Variants in ZNF469 observed in about 807,000 individuals in gnomAD.
ZNF469 encodes zinc finger protein 469.
Under a neutral mutation model 1.0 loss-of-function variants are expected in ZNF469, and 1 was observed. That is an observed-to-expected ratio of 1.00 (90% confidence interval 0.35 to 4.73). The LOEUF is 4.73. Among genes scored for constraint, ZNF469 ranks in the 30% most tolerant of loss-of-function variants. The probability of loss-of-function intolerance (pLI) is 0.16; values close to 1 mark genes in which losing one functional copy is unlikely to be tolerated. For synonymous variants in ZNF469, 2,703 were observed against 2,363.4 expected (o/e 1.14, Z -4.17); for missense variants, 6,100 against 5,356.3 (o/e 1.14, Z -4.33).
At chr16:88,311,808 A>G in the ZNF469 span, among the ~76,000 whole-genome samples, 2 of 152,186 alleles carry the variant, frequency 1.3e-5, no homozygotes, top group African/African-American at 4.8e-5. Flanking sequence ...GGACATATTG[A>G]TTTGCATTTT....
chr16:88,371,047 T>G, the ZNF469 span, among the ~76,000 whole-genome samples: 56 of 152,352 alleles, frequency 3.7e-4, 1 homozygote, highest in Middle Eastern at 0.014. Flanking sequence ...GCTGGCTGAA[T>G]GCAGATATCA....
chr16:88,402,204 G>T (rs73253603), intron 1 of ZNF469, among the ~76,000 whole-genome samples: 3,766 of 152,126 alleles, frequency 0.025, 159 homozygotes, highest in African/African-American at 0.086. Flanking sequence ...ATGGAAGGGG[G>T]AATGAGTGGG....
chr16:88,107,212 T>G, the ZNF469 span, among the ~76,000 whole-genome samples: 3 of 152,216 alleles, frequency 2.0e-5, no homozygotes, highest in Non-Finnish European at 2.9e-5. Flanking sequence ...TTAGCCCATT[T>G]TCACACTGCT....
At chr16:88,273,897 C>G in the ZNF469 span, among the ~76,000 whole-genome samples, 1 of 151,880 alleles carries the variant, frequency 6.6e-6, no homozygotes, top group African/African-American at 2.4e-5. Flanking sequence ...CTCCGCCTCC[C>G]GGGTTCACGC....
the ZNF469 span, among the ~76,000 whole-genome samples, chr16:88,159,512 C>T: frequency 6.6e-6 from 1 of 152,070 alleles, no homozygotes; most frequent in Non-Finnish European, 1.5e-5. Context: ...AGGGAAGGCC[C>T]GGACGGATGA....
intron 1 of ZNF469, among the ~76,000 whole-genome samples, chr16:88,397,359 C>T (rs1354010128): frequency 6.6e-6 from 1 of 152,220 alleles, no homozygotes; most frequent in Admixed American, 6.5e-5. Flanking sequence ...GGGCTTGTGG[C>T]CTGGGAGTGC....
chr16:88,183,585 A>G, the ZNF469 span, among the ~76,000 whole-genome samples: 1 of 152,322 alleles, frequency 6.6e-6, no homozygotes, highest in Admixed American at 6.5e-5. Flanking sequence ...GCAAAGCTGT[A>G]GGACCGAGGA....
At chr16:88,137,229 C>T in the ZNF469 span, among the ~76,000 whole-genome samples, 1 of 152,138 alleles carries the variant, frequency 6.6e-6, no homozygotes, top group African/African-American at 2.4e-5. Flanking sequence ...GCATGTATAC[C>T]ACCACACATG....
upstream of ZNF469, among the ~76,000 whole-genome samples, chr16:88,380,609 ACG>A (rs2092519786): frequency 6.8e-6 from 1 of 146,190 alleles, no homozygotes; most frequent in Non-Finnish European, 1.5e-5. Flanking sequence ...GCACTCACAC[ACG>A]CACACACCCA....
At chr16:88,141,507 C>T in the ZNF469 span, among the ~76,000 whole-genome samples, 2 of 141,664 alleles carry the variant, frequency 1.4e-5, 1 homozygote, top group Admixed American at 1.4e-4. Context: ...GAGGCACCCC[C>T]GTCCTGGTCC....
the ZNF469 span, among the ~76,000 whole-genome samples, chr16:88,274,045 C>T: frequency 3.0e-4 from 46 of 152,204 alleles, no homozygotes; most frequent in East Asian, 7.2e-3. Context: ...CCTCGTGATC[C>T]GCCTGCCTCG....
At chr16:88,411,528 G>T (rs1216221769) in intron 1 of ZNF469, among the ~76,000 whole-genome samples, 3 of 84,576 alleles carry the variant, frequency 3.5e-5, no homozygotes, top group Admixed American at 2.6e-4. Context: ...GTGCGAGCGG[G>T]CAGGGGTGGG....
intron 1 of ZNF469, among the ~76,000 whole-genome samples, chr16:88,400,798 G>T (rs1904831922): frequency 6.6e-6 from 1 of 152,070 alleles, no homozygotes. Flanking sequence ...AAAATGGGCA[G>T]AATCTCTTCA....
the ZNF469 span, among the ~76,000 whole-genome samples, chr16:88,350,278 C>G: frequency 6.6e-6 from 1 of 152,278 alleles, no homozygotes; most frequent in Non-Finnish European, 1.5e-5. Flanking sequence ...CCCTGCCCCC[C>G]CGTCCGCTCC....
the ZNF469 span, among the ~76,000 whole-genome samples, chr16:88,319,267 CT>C: frequency 6.6e-6 from 1 of 152,158 alleles, no homozygotes; most frequent in African/African-American, 2.4e-5. Context: ...ACCTGGACAC[CT>C]GCCTTTCTGA....
At chr16:88,225,891 T>C in the ZNF469 span, among the ~76,000 whole-genome samples, 20 of 152,128 alleles carry the variant, frequency 1.3e-4, no homozygotes, top group African/African-American at 4.3e-4. Context: ...TATAGCAGCA[T>C]GTATGTACTA....
intron 1 of ZNF469, among the ~76,000 whole-genome samples, chr16:88,416,551 G>C (rs1041263204): frequency 6.6e-6 from 1 of 152,224 alleles, no homozygotes; most frequent in African/African-American, 2.4e-5. Context: ...CTGACCCAGA[G>C]AGTCTGGGTA....
At chr16:88,167,579 TGCCCTG>T in the ZNF469 span, among the ~76,000 whole-genome samples, 1 of 152,234 alleles carries the variant, frequency 6.6e-6, no homozygotes, top group African/African-American at 2.4e-5. Context: ...TGCCACCTCC[TGCCCTG>T]GCCCTGGTTA....
At chr16:88,229,820 C>T in the ZNF469 span, among the ~76,000 whole-genome samples, 1 of 152,156 alleles carries the variant, frequency 6.6e-6, no homozygotes, top group African/African-American at 2.4e-5. Flanking sequence ...CCACTCTGCC[C>T]CGCTGTGGTC....
Sources: gnomAD v4.1 joint callset for allele counts (sites outside exome capture counted in the v4.1 genomes callset) on GRCh38, gnomAD v4.1.1 for gene constraint, MANE v1.5 for transcripts, NCBI Gene and HGNC (gene_info 2026-07-23, HGNC 2026-07-21) for gene names.